The following ZNRF4 variants were observed in gnomAD, a reference collection of about 807,000 sequenced individuals.
ZNRF4 encodes E3 ubiquitin-protein ligase ZNRF4.
For missense variants in ZNRF4, 569 were observed against 609.4 expected, an observed-to-expected ratio of 0.93 and a Z score of 0.70; for synonymous variants, 291 against 285.9, an observed-to-expected ratio of 1.02 and a Z score of -0.18.
At position 5,455,776 on chromosome 19, in the gene ZNRF4, C is replaced by T. The variant is rs546083804; in HGVS notation, c.285C>T (p.Pro95=). Residue 95 remains proline, a synonymous_variant, in exon 1 of 1, where the codon CCC becomes CCT. Transcript: ENST00000222033. ...ALLVLSLLQV[P]AQAVVRAVLE... Reference sequence around the variant, plus strand: ...TGGTCTTGTCGCTGCTCCAGGTGCCCGCGCAGGCAGTGGTACGGGCCGTGC... The same window carrying T: ...TGGTCTTGTCGCTGCTCCAGGTGCCTGCGCAGGCAGTGGTACGGGCCGTGC... 7.5e-6 allele frequency: 12 copies of T among 1,604,404 alleles called. No homozygotes were observed. Among genetic ancestry groups the T allele is most frequent in the South Asian group, 3.3e-5 (3 of 91,076 alleles).
At position 5,456,215 on chromosome 19, in the gene ZNRF4, C is replaced by G. The variant is rs767273504; in HGVS notation, c.724C>G (p.Pro242Ala). The stretch of plus-strand genomic sequence containing the variant: ...CGCGCTGCTCCTGCCCGACGACCCA[C>G]CGTGCCACGACCTGGGCTGTCACCC... ...AHALLLPDDPPCHDLGCHPVL... is the reference protein window; with the variant it reads ...AHALLLPDDPACHDLGCHPVL... Residue 242 changes from proline (P) to alanine (A), a missense_variant, in exon 1 of 1, where the codon CCG (proline) becomes GCG (alanine). Coordinates refer to ENST00000222033, the MANE Select transcript of ZNRF4 (RefSeq NM_181710.4). 1 of 1,611,314 alleles carries G rather than the reference C, an allele frequency of 6.2e-7. No homozygotes were observed.
In ZNRF4 at chr19:5,456,721, G is replaced by A. The variant is rs547773232; in HGVS notation, c.1230G>A (p.Thr410=). Residue 410 remains threonine, a synonymous_variant, in exon 1 of 1, where the codon ACG becomes ACA. Coordinates refer to ENST00000222033, the MANE Select transcript of ZNRF4 (RefSeq NM_181710.4). The stretch of plus-strand genomic sequence containing the variant: ...GTCCCCACTGCCACTGCAGCACCAC[G>A]TCCCTGGAGGCAGAGTATACCACTG... ...RASPHCHCST[T]SLEAEYTTVS... 2.9e-5 allele frequency: 47 copies of A among 1,608,050 alleles called. No individual in the cohort carries two copies. The highest frequency in any genetic ancestry group is 1.6e-4 in the Middle Eastern group (1 of 6,068).
In ZNRF4 at chr19:5,455,765, C is replaced by A; in HGVS notation, c.274C>A (p.Leu92Ile). 6.2e-7 allele frequency: 1 copy of A among 1,604,590 alleles called. No homozygotes were observed. Among genetic ancestry groups the A allele is most frequent in the Non-Finnish European group, 8.5e-7 (1 of 1,179,848 alleles). The stretch of plus-strand genomic sequence containing the variant: ...CAAAGCCTTGCTGGTCTTGTCGCTG[C>A]TCCAGGTGCCCGCGCAGGCAGTGGT... ...AVKALLVLSL[L>I]QVPAQAVVRA... is the part of the protein sequence containing the mutation. Residue 92 changes from leucine to isoleucine, a missense_variant, in exon 1 of 1, where the codon CTC becomes ATC. Leu to Ile is a conservative substitution (Grantham distance 5). Coordinates refer to ENST00000222033, the MANE Select transcript of ZNRF4 (RefSeq NM_181710.4).
rs376523858 is a variant in ZNRF4 at position 5,456,205 on chromosome 19, C to T, written c.714C>T (p.Pro238=). 9.3e-6 allele frequency: 15 copies of T among 1,610,062 alleles called. No individual in the cohort carries two copies. The highest frequency in any genetic ancestry group is 3.3e-5 in the Admixed American group (2 of 59,980). Residue 238 remains proline (P), a synonymous_variant, in exon 1 of 1, where the codon CCC becomes CCT. Coordinates refer to ENST00000222033, the MANE Select transcript of ZNRF4 (RefSeq NM_181710.4). The part of the protein sequence containing the change: ...CNKSAHALLL[P]DDPPCHDLGC... ...AGTCGGCCCACGCGCTGCTCCTGCC[C>T]GACGACCCACCGTGCCACGACCTGG... is the stretch of plus-strand genomic sequence containing the variant.
Position 5,456,390 on chromosome 19 carries a change from G to A in ZNRF4, c.899G>A (p.Arg300His), listed in dbSNP as rs145022317. The A allele has an allele frequency of 1.2e-3, 1,914 of 1,613,254 alleles. 3 individuals carry two copies. The highest frequency in any genetic ancestry group is 1.6e-3 in the Admixed American group (96 of 60,024). ...TCTACCTGCCAGAAGGCCCAGGTCC[G>A]CACCTTCACGTGGCACAACGACCTG... ...KTSTCQKAQVRTFTWHNDLCA... is the reference protein window; with the variant it reads ...KTSTCQKAQVHTFTWHNDLCA... The change falls in exon 1 of 1, where the codon CGC becomes CAC. Residue 300 changes from arginine (R) to histidine (H), a missense_variant. By Grantham distance (29) the Arg-to-His change is conservative. Transcript: ENST00000222033.
chr19:5,455,461 C>T lies in ZNRF4; in HGVS notation c.-31C>T, dbSNP rs752098121. On this transcript the variant is annotated 5_prime_UTR_variant, in exon 1 of 1. Coordinates refer to ENST00000222033, the MANE Select transcript of ZNRF4 (RefSeq NM_181710.4). Reference sequence around the variant, plus strand: ...CCAGAAAGGCCACCTGCGCCAGCACCTCCTGAGACCGGCCTTCAAAGACAC... The same window carrying T: ...CCAGAAAGGCCACCTGCGCCAGCACTTCCTGAGACCGGCCTTCAAAGACAC... 1 of 1,562,022 alleles carries T rather than the reference C, an allele frequency of 6.4e-7. No individual in the cohort carries two copies. Among genetic ancestry groups the T allele is most frequent in the South Asian group, 1.2e-5 (1 of 82,666 alleles).
At position 5,455,507 on chromosome 19, in the gene ZNRF4, C is replaced by A; in HGVS notation, c.16C>A (p.Pro6Thr). The A allele has an allele frequency of 1.2e-6, 2 of 1,609,690 alleles. No individual in the cohort carries two copies. Among genetic ancestry groups the A allele is most frequent in the Non-Finnish European group, 8.5e-7 (1 of 1,178,270 alleles). Reference sequence around the variant, plus strand: ...GACACGACGCATGCCGCTCTGCCGTCCGGAGCACTTAATGCCTAGAGCCAG... The same window carrying A: ...GACACGACGCATGCCGCTCTGCCGTACGGAGCACTTAATGCCTAGAGCCAG... MPLCR[P>T]EHLMPRASRV... Residue 6 changes from proline to threonine, a missense_variant, in exon 1 of 1, where the codon CCG (proline) becomes ACG (threonine). Pro to Thr is a conservative substitution (Grantham distance 38, BLOSUM62 -1). Coordinates refer to ENST00000222033, the MANE Select transcript of ZNRF4 (RefSeq NM_181710.4).
rs8103406 is a variant in ZNRF4, at chr19:5,455,960, G to T, written c.469G>T (p.Ala157Ser). 811,648 of 1,599,192 alleles carry T rather than the reference G, an allele frequency of 0.51. 209,547 individuals are homozygous for T. The highest frequency in any genetic ancestry group is 0.78 in the East Asian group (34,696 of 44,750). Residue 157 changes from alanine (A) to serine (S), a missense_variant, in exon 1 of 1, where the codon GCC (alanine) becomes TCC (serine). By Grantham distance (99) the Ala-to-Ser change is moderately conservative (BLOSUM62 1). Transcript: ENST00000222033. ...GCGACTGGGCAACCGCTCTCTGGGCGCCATCGTGCTGATCCGCCGCTACGA... is the reference window on the plus strand; with the variant it reads ...GCGACTGGGCAACCGCTCTCTGGGCTCCATCGTGCTGATCCGCCGCTACGA... ...APRLGNRSLG[A>S]IVLIRRYDCT... is the part of the protein sequence containing the mutation.
rs756671953 is a variant in ZNRF4, at chr19:5,456,224, G to A, written c.733G>A (p.Asp245Asn). The A allele has an allele frequency of 8.7e-6, 14 of 1,611,822 alleles. No individual in the cohort carries two copies. Among genetic ancestry groups the A allele is most frequent in the Non-Finnish European group, 1.1e-5 (13 of 1,180,004 alleles). Residue 245 changes from aspartate (D) to asparagine (N), a missense_variant, in exon 1 of 1, where the codon GAC (aspartate) becomes AAC (asparagine). Physicochemically the swap from Asp to Asn is conservative, Grantham distance 23. Coordinates refer to ENST00000222033, the MANE Select transcript of ZNRF4 (RefSeq NM_181710.4). The stretch of plus-strand genomic sequence containing the variant: ...CCTGCCCGACGACCCACCGTGCCAC[G>A]ACCTGGGCTGTCACCCCGTGCTGAC... ...LLLPDDPPCH[D>N]LGCHPVLTVS...
chr19:5,456,802 G>A lies in ZNRF4; in HGVS notation c.*21G>A. 1 of 1,509,172 alleles carries A rather than the reference G, an allele frequency of 6.6e-7. No individual in the cohort carries two copies. The highest frequency in any genetic ancestry group is 8.9e-7 in the Non-Finnish European group (1 of 1,127,740). 93.5% of individuals were successfully genotyped at this position (1,509,172 alleles called of 1,614,324 possible). On this transcript the variant is annotated 3_prime_UTR_variant, in exon 1 of 1. Coordinates refer to ENST00000222033, the MANE Select transcript of ZNRF4 (RefSeq NM_181710.4). ...AGTAAAGATCTAGGGCAGGGAGGGG[G>A]GTGCAATGAGGAATGTTTCTGGTCT...
rs369079666 is a variant in ZNRF4, at chr19:5,456,209, G to A, written c.718G>A (p.Asp240Asn). Residue 240 changes from aspartate to asparagine, a missense_variant, in exon 1 of 1, where the codon GAC becomes AAC. Physicochemically the swap from Asp to Asn is conservative, Grantham distance 23. Coordinates refer to ENST00000222033, the MANE Select transcript of ZNRF4 (RefSeq NM_181710.4). ...GGCCCACGCGCTGCTCCTGCCCGAC[G>A]ACCCACCGTGCCACGACCTGGGCTG... Reference protein sequence around the residue: ...KSAHALLLPDDPPCHDLGCHP... With the variant: ...KSAHALLLPDNPPCHDLGCHP... 9.9e-6 allele frequency: 16 copies of A among 1,610,506 alleles called. No homozygotes were observed. Among genetic ancestry groups the A allele is most frequent in the Admixed American group, 8.3e-5 (5 of 59,990 alleles).
At position 5,456,399 on chromosome 19, in the gene ZNRF4, C is replaced by T. The variant is rs762492575; in HGVS notation, c.908C>T (p.Thr303Met). Reference sequence around the variant, plus strand: ...CAGAAGGCCCAGGTCCGCACCTTCACGTGGCACAACGACCTGTGTGCCATC... The same window carrying T: ...CAGAAGGCCCAGGTCCGCACCTTCATGTGGCACAACGACCTGTGTGCCATC... ...TCQKAQVRTF[T>M]WHNDLCAICL... Residue 303 changes from threonine (T) to methionine (M), a missense_variant, in exon 1 of 1, where the codon ACG (threonine) becomes ATG (methionine). Thr to Met is a moderately conservative substitution (Grantham distance 81). Coordinates refer to ENST00000222033, the MANE Select transcript of ZNRF4 (RefSeq NM_181710.4). 2.5e-6 allele frequency: 4 copies of T among 1,613,358 alleles called. No individual in the cohort carries two copies. Among genetic ancestry groups the T allele is most frequent in the Admixed American group, 1.7e-5 (1 of 60,010 alleles).
rs755046249 is a variant in ZNRF4 at position 5,456,032 on chromosome 19, G to A, written c.541G>A (p.Glu181Lys). ...GCTGAACGCCCAGCGCGCCGGCTTC[G>A]AGGCGGCCATCGTGCACAACGTCCA... ...KVLNAQRAGF[E>K]AAIVHNVHSD... is the part of the protein sequence containing the mutation. The change falls in exon 1 of 1, where the codon GAG (glutamate) becomes AAG (lysine). Residue 181 changes from glutamate (E) to lysine (K), a missense_variant. By Grantham distance (56) the Glu-to-Lys change is moderately conservative (BLOSUM62 1). Transcript: ENST00000222033. 41 of 1,601,744 alleles carry A rather than the reference G, an allele frequency of 2.6e-5. No individual in the cohort carries two copies. The highest frequency in any genetic ancestry group is 2.0e-4 in the South Asian group (18 of 91,078).
At position 5,456,208 on chromosome 19, in the gene ZNRF4, C is replaced by T. The variant is rs1345353576; in HGVS notation, c.717C>T (p.Asp239=). The T allele has an allele frequency of 1.9e-6, 3 of 1,610,526 alleles. No homozygotes were observed. Among genetic ancestry groups the T allele is most frequent in the Middle Eastern group, 1.7e-4 (1 of 6,060 alleles). Residue 239 remains aspartate, a synonymous_variant, in exon 1 of 1, where the codon GAC becomes GAT. Transcript: ENST00000222033. The part of the protein sequence containing the change: ...NKSAHALLLP[D]DPPCHDLGCH... ...CGGCCCACGCGCTGCTCCTGCCCGA[C>T]GACCCACCGTGCCACGACCTGGGCT...
In ZNRF4 at chr19:5,455,693, C is replaced by G; in HGVS notation, c.202C>G (p.Arg68Gly). 6.2e-7 allele frequency: 1 copy of G among 1,608,850 alleles called. No individual in the cohort carries two copies. Among genetic ancestry groups the G allele is most frequent in the East Asian group, 2.2e-5 (1 of 44,872 alleles). ...ACCTAGCAGCACACAGACAGCGAAG[C>G]GGGTGACCATGGGGTGGCCACGGCC... ...VGPSSTQTAK[R>G]VTMGWPRPGR... is the part of the protein sequence containing the mutation. Residue 68 changes from arginine to glycine, a missense_variant, in exon 1 of 1, where the codon CGG (arginine) becomes GGG (glycine). Coordinates refer to ENST00000222033, the MANE Select transcript of ZNRF4 (RefSeq NM_181710.4).
chr19:5,455,762 C>T lies in ZNRF4; in HGVS notation c.271C>T (p.Leu91=). ...AGTCAAAGCCTTGCTGGTCTTGTCG[C>T]TGCTCCAGGTGCCCGCGCAGGCAGT... is the stretch of plus-strand genomic sequence containing the variant. The part of the protein sequence containing the change: ...VAVKALLVLS[L]LQVPAQAVVR... The change falls in exon 1 of 1, where the codon CTG becomes TTG. Residue 91 remains leucine, a synonymous_variant. Coordinates refer to ENST00000222033, the MANE Select transcript of ZNRF4 (RefSeq NM_181710.4). 9 of 1,604,710 alleles carry T rather than the reference C, an allele frequency of 5.6e-6. No individual in the cohort carries two copies. Among genetic ancestry groups the T allele is most frequent in the Non-Finnish European group, 6.8e-6 (8 of 1,179,848 alleles).
rs2051613686 is a variant in ZNRF4, at chr19:5,455,961, C to T, written c.470C>T (p.Ala157Val). 6.2e-7 allele frequency: 1 copy of T among 1,600,438 alleles called. No homozygotes were observed. The highest frequency in any genetic ancestry group is 1.6e-4 in the Middle Eastern group (1 of 6,062). The change falls in exon 1 of 1, where the codon GCC (alanine) becomes GTC (valine). Residue 157 changes from alanine to valine, a missense_variant. By Grantham distance (64) the Ala-to-Val change is moderately conservative. Transcript: ENST00000222033. ...CGACTGGGCAACCGCTCTCTGGGCG[C>T]CATCGTGCTGATCCGCCGCTACGAC... ...APRLGNRSLG[A>V]IVLIRRYDCT... is the part of the protein sequence containing the mutation.
In ZNRF4 at chr19:5,456,174, G is replaced by A. The variant is rs752594859; in HGVS notation, c.683G>A (p.Cys228Tyr). ...CAGGACCTGCGGGTCATCCTGGGCTGCAACAAGTCGGCCCACGCGCTGCTC... is the reference window on the plus strand; with the variant it reads ...CAGGACCTGCGGGTCATCCTGGGCTACAACAAGTCGGCCCACGCGCTGCTC... ...ASQDLRVILG[C>Y]NKSAHALLLP... Residue 228 changes from cysteine (C) to tyrosine (Y), a missense_variant, in exon 1 of 1, where the codon TGC becomes TAC. Transcript: ENST00000222033. The A allele has an allele frequency of 4.4e-6, 7 of 1,607,868 alleles. No homozygotes were observed. The highest frequency in any genetic ancestry group is 1.6e-4 in the Middle Eastern group (1 of 6,082).
At position 5,455,590 on chromosome 19, in the gene ZNRF4, G is replaced by T; in HGVS notation, c.99G>T (p.Leu33=). 6.2e-7 allele frequency: 1 copy of T among 1,612,210 alleles called. No homozygotes were observed. ...PLSHAVIPTQ[L]PSRPGHRPPG... The stretch of plus-strand genomic sequence containing the variant: ...GCCACGCGGTCATTCCAACTCAACT[G>T]CCCTCGCGTCCTGGCCACAGGCCCC... Residue 33 remains leucine, a synonymous_variant, in exon 1 of 1, where the codon CTG becomes CTT. Coordinates refer to ENST00000222033, the MANE Select transcript of ZNRF4 (RefSeq NM_181710.4).
Sources: gnomAD v4.1 joint callset for allele counts on GRCh38, gnomAD v4.1.1 for gene constraint, MANE v1.5 for transcripts, NCBI Gene and HGNC (gene_info 2026-07-23, HGNC 2026-07-21) for gene names.